DARS2: variants seen among roughly 807,000 people sequenced by gnomAD.
The protein encoded by DARS2 is aspartyl-tRNA synthetase 2, mitochondrial.
DARS2 carries 63 observed loss-of-function variants against 83.0 expected under a neutral mutation model. That is an observed-to-expected ratio of 0.76 (90% CI 0.62 to 0.94). The LOEUF is 0.94. Among genes scored for constraint, DARS2 ranks in the 40% least tolerant of loss-of-function variants. The probability of loss-of-function intolerance (pLI) is 0.00; values close to 1 mark genes in which losing one functional copy is unlikely to be tolerated. For missense variants in DARS2, 675 were observed against 774.4 expected (o/e 0.87, Z 1.52); for synonymous variants, 250 against 269.3 (o/e 0.93, Z 0.70).
At chr1:173,842,761 A>C (rs1188499315) in intron 11 of DARS2, among the ~76,000 whole-genome samples, 2 of 151,414 alleles carry the variant, frequency 1.3e-5, no homozygotes, top group Non-Finnish European at 2.9e-5. Flanking sequence ...AACATGGCGA[A>C]ACCCTGTCTC....
In DARS2 at chr1:173,826,781, C is replaced by T; in HGVS notation, c.222C>T (p.Tyr74=). Residue 74 remains tyrosine, a synonymous_variant, in exon 2 of 17, where the codon TAC becomes TAT. Transcript: ENST00000649689. ...TCACCTTGTGTGGATGGATTCAGTA[C>T]CGAAGGTAAATTGAGAAAGACAGTC... is the stretch of plus-strand genomic sequence containing the variant. The part of the protein sequence containing the change: ...QEVTLCGWIQ[Y]RRQNTFLVLR... 2 of 1,609,206 alleles carry T rather than the reference C, an allele frequency of 1.2e-6. No homozygotes were observed. The highest frequency in any genetic ancestry group is 2.2e-5 in the East Asian group (1 of 44,836).
intron 11 of DARS2, among the ~76,000 whole-genome samples, chr1:173,844,778 A>ATTTTTTTT (rs1164469532): frequency 3.5e-5 from 2 of 56,838 alleles, no homozygotes; most frequent in Non-Finnish European, 6.2e-5. Flanking sequence ...CAGAAATTGG[A>ATTTTTTTT]TTTTTTTTTT....
At position 173,858,478 on chromosome 1, in the gene DARS2, A is replaced by G. The variant is rs1373240299; in HGVS notation, c.*773A>G. On this transcript the variant is annotated 3_prime_UTR_variant, in exon 17 of 17. Coordinates refer to ENST00000649689, the MANE Select transcript of DARS2 (RefSeq NM_018122.5). Reference sequence around the variant, plus strand: ...ATTATCCATCCATAAATAGGTAGATATATCTCTATTTTATAGTTTCAGATT... The same window carrying G: ...ATTATCCATCCATAAATAGGTAGATGTATCTCTATTTTATAGTTTCAGATT... 3 of 152,204 alleles carry G rather than the reference A, an allele frequency of 2.0e-5. No individual in the cohort carries two copies. Among genetic ancestry groups the G allele is most frequent in the South Asian group, 4.1e-4 (2 of 4,834 alleles). The allele number at this position is 152,204 out of a possible 1,614,324, so 9.4% of individuals were successfully genotyped here.
At chr1:173,846,922 A>ACAGAGGCGGGCAGATCG (rs1653456477) in intron 12 of DARS2, among the ~76,000 whole-genome samples, 1 of 152,204 alleles carries the variant, frequency 6.6e-6, no homozygotes, top group Non-Finnish European at 1.5e-5. Flanking sequence ...GTTTTCTAAG[A>ACAGAGGCGGGCAGATCG]CTTAATAGAG....
chr1:173,839,596 C>CT (rs1331615241), intron 10 of DARS2, 50 bp downstream of exon 10: 1 of 1,542,176 alleles, frequency 6.5e-7, no homozygotes, highest in Admixed American at 1.7e-5. Flanking sequence ...ATCCTGCAGT[C>CT]TTTTTAAACC....
chr1:173,831,466 T>A (rs1652793460), intron 4 of DARS2, 69 bp from the exon 5 acceptor site: 1 of 1,116,634 alleles, frequency 9.0e-7, no homozygotes, highest in South Asian at 1.2e-5. Flanking sequence ...ATGCATAGAT[T>A]CTACAAATGT....
rs1054965729 is a variant in DARS2 at position 173,824,854 on chromosome 1, A to G, written c.-376A>G. 4.5e-6 allele frequency: 1 copy of G among 224,610 alleles called. No individual in the cohort carries two copies. Among genetic ancestry groups the G allele is most frequent in the Non-Finnish European group, 9.2e-6 (1 of 109,196 alleles). 13.9% of individuals were successfully genotyped at this position (224,610 alleles called of 1,614,324 possible). ...CGCGGGAGCCTCTCGAGAAGCGTGG[A>G]AAGAGGAGAAGGGCGTATACCTTGT... On this transcript the variant is annotated 5_prime_UTR_variant, in exon 1 of 17. Coordinates refer to ENST00000649689, the MANE Select transcript of DARS2 (RefSeq NM_018122.5).
intron 6 of DARS2, among the ~76,000 whole-genome samples, chr1:173,833,863 G>A (rs1652883428): frequency 6.6e-6 from 1 of 151,104 alleles, no homozygotes; most frequent in African/African-American, 2.4e-5. Flanking sequence ...AGGCTTAACC[G>A]ATCCTCCCAC....
chr1:173,853,989 TTG>T (rs1653774117), intron 15 of DARS2, 84 bp downstream of exon 15: 4 of 1,258,204 alleles, frequency 3.2e-6, no homozygotes, highest in Non-Finnish European at 3.4e-6. Flanking sequence ...GTTTGCTTGT[TTG>T]TTTTGTTTTT....
rs1652865893 is a variant in DARS2, at chr1:173,833,414, C to G, written c.531C>G (p.Asp177Glu). The G allele has an allele frequency of 6.2e-7, 1 of 1,613,516 alleles. No homozygotes were observed. Among genetic ancestry groups the G allele is most frequent in the Admixed American group, 1.7e-5 (1 of 59,984 alleles). ...EALRLQYRYLDLRSFQMQYNL... is the reference protein window; with the variant it reads ...EALRLQYRYLELRSFQMQYNL... ...TTCGGTTGCAGTATCGCTACTTAGA[C>G]TTGCGTAGTTTCCAAATGCAGTATA... is the stretch of plus-strand genomic sequence containing the variant. Residue 177 changes from aspartate (D) to glutamate (E), a missense_variant, in exon 6 of 17, where the codon GAC becomes GAG. Transcript: ENST00000649689.
Position 173,839,354 on chromosome 1 carries a change from A to T in DARS2, c.841-13A>T. 6.2e-7 allele frequency: 1 copy of T among 1,613,456 alleles called. No individual in the cohort carries two copies. Among genetic ancestry groups the T allele is most frequent in the Non-Finnish European group, 8.5e-7 (1 of 1,179,376 alleles). Reference sequence around the variant, plus strand: ...GTGGCTAAATTAGTTTCCATATGGTACTTTGGTTTCAGATTGACATAGAGA... The same window carrying T: ...GTGGCTAAATTAGTTTCCATATGGTTCTTTGGTTTCAGATTGACATAGAGA... On this transcript the variant is annotated splice_polypyrimidine_tract_variant and intron_variant, in intron 9 of 16. Coordinates refer to ENST00000649689, the MANE Select transcript of DARS2 (RefSeq NM_018122.5).
chr1:173,847,087 G>A (rs1246364815), intron 12 of DARS2, among the ~76,000 whole-genome samples: 3 of 151,940 alleles, frequency 2.0e-5, no homozygotes, highest in Non-Finnish European at 4.4e-5. Context: ...CAAGCACAAC[G>A]AACAATAAGT....
chr1:173,837,950 T>G (rs1653065692), intron 8 of DARS2, among the ~76,000 whole-genome samples: 1 of 152,076 alleles, frequency 6.6e-6, no homozygotes, highest in South Asian at 2.1e-4. Context: ...AATTTTCGTA[T>G]TTTTAGTAGA....
At chr1:173,831,103 G>C (rs957446895) in intron 4 of DARS2, among the ~76,000 whole-genome samples, 67 of 152,078 alleles carry the variant, frequency 4.4e-4, no homozygotes, top group African/African-American at 1.6e-3. Flanking sequence ...TTTTAGCAGA[G>C]AGAGGGTTTC....
At chr1:173,831,467 C>T in intron 4 of DARS2, 68 bp from the exon 5 acceptor site, 1 of 1,120,190 alleles carries the variant, frequency 8.9e-7, no homozygotes, top group Non-Finnish European at 1.4e-6. Flanking sequence ...TGCATAGATT[C>T]TACAAATGTG....
At chr1:173,853,755 A>G (rs753838758) in intron 14 of DARS2, 40 bp from the exon 15 acceptor site, 3 of 1,581,236 alleles carry the variant, frequency 1.9e-6, no homozygotes, top group Middle Eastern at 1.7e-4. Context: ...ACAGAAAACC[A>G]GACATTTTCT....
chr1:173,853,116 T>C (rs1653734886), intron 13 of DARS2, among the ~76,000 whole-genome samples: 1 of 152,204 alleles, frequency 6.6e-6, no homozygotes, highest in Non-Finnish European at 1.5e-5. Context: ...CCCTGTGTTC[T>C]TAATCACCGA....
At position 173,855,485 on chromosome 1, in the gene DARS2, A is replaced by T. The variant is rs78936641; in HGVS notation, c.1675-1181A>T. On this transcript the variant is annotated intron_variant, in intron 15 of 16. Coordinates refer to ENST00000649689, the MANE Select transcript of DARS2 (RefSeq NM_018122.5). Reference sequence around the variant, plus strand: ...TGTGTTTGTTTGTTTGTTTGATTTTAAAAAGATGGAGTCTCACTCTGTCAC... The same window carrying T: ...TGTGTTTGTTTGTTTGTTTGATTTTTAAAAGATGGAGTCTCACTCTGTCAC... Among the ~76,000 whole-genome samples, 302 of 151,678 alleles carry T rather than the reference A, an allele frequency of 2.0e-3. 6 individuals are homozygous for T. In the East Asian group the frequency reaches 0.046, roughly 23 times the overall value.
At chr1:173,838,882 C>T (rs1011980624) in intron 9 of DARS2, among the ~76,000 whole-genome samples, 6 of 152,062 alleles carry the variant, frequency 3.9e-5, no homozygotes, top group African/African-American at 1.4e-4. Flanking sequence ...ACTACAGATG[C>T]GTGCCACCAT....
Sources: gnomAD v4.1 joint callset for allele counts (sites outside exome capture counted in the v4.1 genomes callset) on GRCh38, gnomAD v4.1.1 for gene constraint, MANE v1.5 for transcripts, NCBI Gene and HGNC (gene_info 2026-07-23, HGNC 2026-07-21) for gene names.